MARF1: variants seen among roughly 807,000 people sequenced by gnomAD.
The protein encoded by MARF1 is meiosis regulator and mRNA stability factor 1.
In MARF1, 24 loss-of-function variants were observed where a neutral mutation model predicts 168.2. The observed-to-expected ratio is 0.14, with a 90% CI of 0.10 to 0.20. The LOEUF (loss-of-function observed/expected upper bound fraction) is 0.20, where lower values mean the gene tolerates loss of function less well. Among genes scored for constraint, MARF1 ranks in the 10% least tolerant of loss-of-function variants. The pLI is 1.00. For missense variants in MARF1, 1,744 were observed against 2,143.6 expected, an observed-to-expected ratio of 0.81 and a Z score of 3.68; for synonymous variants, 868 against 822.4, an observed-to-expected ratio of 1.06 and a Z score of -0.95.
intron 26 of MARF1, 146 bp downstream of exon 26, chr16:15,598,708 G>A: frequency 1.2e-6 from 1 of 831,968 alleles, no homozygotes; most frequent in Non-Finnish European, 1.9e-6. Context: ...CCCAGGTGGG[G>A]AAAGAAGGTC....
intron 13 of MARF1, among the ~76,000 whole-genome samples, chr16:15,618,962 T>C (rs1381272216): frequency 6.6e-6 from 1 of 152,240 alleles, no homozygotes; most frequent in East Asian, 1.9e-4. Context: ...CTCTCCCTTT[T>C]ACCTTGCTTG....
chr16:15,600,740 G>A, intron 23 of MARF1, 39 bp from the exon 24 acceptor site: 1 of 1,605,724 alleles, frequency 6.2e-7, no homozygotes, highest in Non-Finnish European at 8.5e-7. Context: ...CAGCGGAAAA[G>A]GAGGGGACAG....
Position 15,596,668 on chromosome 16 carries a change from CCTAATT to C in MARF1, c.*19_*24del. 6.4e-7 allele frequency: 1 copy of C among 1,551,836 alleles called. No homozygotes were observed. Among genetic ancestry groups the C allele is most frequent in the East Asian group, 2.3e-5 (1 of 43,852 alleles). Reference sequence around the variant, plus strand: ...GCAGAATCAGACAGTGTTTTCCCATCCTAATTCTATATTCCAAATGGGAGTTAAAGC... The same window carrying C: ...GCAGAATCAGACAGTGTTTTCCCATCCTATATTCCAAATGGGAGTTAAAGC... On this transcript the variant is annotated 3_prime_UTR_variant, in exon 27 of 27. Coordinates refer to ENST00000396368, the MANE Select transcript of MARF1 (RefSeq NM_014647.4).
chr16:15,634,259 G>T (rs1284593413), intron 4 of MARF1, among the ~76,000 whole-genome samples: 1 of 152,112 alleles, frequency 6.6e-6, no homozygotes, highest in African/African-American at 2.4e-5. Flanking sequence ...GCTGACAAAG[G>T]GTGAAGCTGT....
At chr16:15,638,999 T>G in intron 2 of MARF1, 91 bp downstream of exon 2, 3 of 1,328,392 alleles carry the variant, frequency 2.3e-6, no homozygotes, top group Non-Finnish European at 3.1e-6. Context: ...GCACAGACTC[T>G]AGGATGAGAG....
intron 23 of MARF1, 184 bp from the exon 24 acceptor site, chr16:15,600,885 T>A (rs1342016051): frequency 6.9e-6 from 5 of 720,346 alleles, no homozygotes; most frequent in Non-Finnish European, 1.3e-5. Context: ...GACAGAAACA[T>A]ACCCCTATAA....
In MARF1 at chr16:15,639,607, G is replaced by A. The variant is rs149377301; in HGVS notation, c.-58-316C>T. On this transcript the variant is annotated intron_variant, in intron 1 of 26. Coordinates refer to ENST00000396368, the MANE Select transcript of MARF1 (RefSeq NM_014647.4). Reference sequence around the variant, plus strand: ...GTAGAGATGGGGTTTCACCAAGTTGGCCAGGCTGGTCTTGAACTCCTGACC... The same window carrying A: ...GTAGAGATGGGGTTTCACCAAGTTGACCAGGCTGGTCTTGAACTCCTGACC... Among the ~76,000 whole-genome samples the A allele has an allele frequency of 6.5e-3, 985 of 152,188 alleles. 15 individuals carry two copies. The highest frequency in any genetic ancestry group is 0.023 in the African/African-American group (947 of 41,500).
intron 10 of MARF1, among the ~76,000 whole-genome samples, chr16:15,624,156 T>C (rs896994039): frequency 6.6e-6 from 1 of 151,766 alleles, no homozygotes; most frequent in Non-Finnish European, 1.5e-5. Flanking sequence ...CCTAACCTCA[T>C]GATCCTCCCG....
rs575183873 is a variant in MARF1 at position 15,603,055 on chromosome 16, C to T, written c.4414-852G>A. ...CCAATCTTAGCTGGACAGGGAAAGTCCTTTGTCCTGAAATATGCATTAACA... is the reference window on the plus strand; with the variant it reads ...CCAATCTTAGCTGGACAGGGAAAGTTCTTTGTCCTGAAATATGCATTAACA... On this transcript the variant is annotated intron_variant, in intron 22 of 26. Transcript: ENST00000396368. 6.6e-5 allele frequency among the ~76,000 whole-genome samples: 10 copies of T among 152,310 alleles called. No homozygotes were observed. The East Asian group carries it at 1.5e-3, about 23-fold the overall frequency.
rs913630228 is a variant in MARF1, at chr16:15,596,625, T to G, written c.*68A>C. 1.2e-5 allele frequency: 18 copies of G among 1,451,622 alleles called. No individual in the cohort carries two copies. The highest frequency in any genetic ancestry group is 1.6e-5 in the Non-Finnish European group (17 of 1,091,266). 89.9% of individuals were successfully genotyped at this position (1,451,622 alleles called of 1,614,324 possible). The stretch of plus-strand genomic sequence containing the variant: ...CATGACACAGAAAAGGATGTATTTT[T>G]GAAACCCACTTTTGTGTGCAGAATC... On this transcript the variant is annotated 3_prime_UTR_variant, in exon 27 of 27. Coordinates refer to ENST00000396368, the MANE Select transcript of MARF1 (RefSeq NM_014647.4).
Position 15,633,836 on chromosome 16 carries a change from T to C in MARF1, c.1014A>G (p.Pro338=), listed in dbSNP as rs2035408607. Residue 338 remains proline (P), a synonymous_variant, in exon 5 of 27, where the codon CCA becomes CCG. Coordinates refer to ENST00000396368, the MANE Select transcript of MARF1 (RefSeq NM_014647.4). ...LGKAASKFGS[P]EVAVAGQVLE... ...GCACCTGTCCAGCTACTGCAACTTC[T>C]GGTGACCCTTAAGAAATGTTAACAT... 1 of 1,609,742 alleles carries C rather than the reference T, an allele frequency of 6.2e-7. No homozygotes were observed. The highest frequency in any genetic ancestry group is 8.5e-7 in the Non-Finnish European group (1 of 1,177,788).
intron 4 of MARF1, among the ~76,000 whole-genome samples, chr16:15,634,135 T>C (rs2035430225): frequency 6.6e-6 from 1 of 152,140 alleles, no homozygotes; most frequent in Non-Finnish European, 1.5e-5. Flanking sequence ...CATTAAGCAG[T>C]GATGCTTCTC....
intron 2 of MARF1, among the ~76,000 whole-genome samples, chr16:15,638,177 CAAATA>C (rs926360036): frequency 1.3e-5 from 2 of 151,816 alleles, no homozygotes; most frequent in African/African-American, 2.4e-5. Flanking sequence ...AAAATAAAAT[CAAATA>C]AAAGTTGTTA....
chr16:15,613,893 T>C (rs2033809416), intron 16 of MARF1, among the ~76,000 whole-genome samples: 1 of 151,830 alleles, frequency 6.6e-6, no homozygotes, highest in Non-Finnish European at 1.5e-5. Flanking sequence ...TTTTTTCCTG[T>C]AGGGTAAGGG....
At chr16:15,600,365 G>A (rs572538952) in intron 25 of MARF1, 63 bp downstream of exon 25, 26 of 1,605,002 alleles carry the variant, frequency 1.6e-5, no homozygotes, top group African/African-American at 5.4e-5. Flanking sequence ...CGCTCTCCCC[G>A]ACCCCAAAGC....
In MARF1 at chr16:15,625,492, T is replaced by G; in HGVS notation, c.1833A>C (p.Pro611=). Residue 611 remains proline (P), a synonymous_variant, in exon 8 of 27, where the codon CCA becomes CCC. Transcript: ENST00000396368. Reference sequence around the variant, plus strand: ...TTGCATCTTTGATGAGGCACAATTTTGGATTCTTAAGTTTTTTGGGAGACT... The same window carrying G: ...TTGCATCTTTGATGAGGCACAATTTGGGATTCTTAAGTTTTTTGGGAGACT... ...KVKSPKKLKN[P]KLCLIKDASE... 1 of 1,614,250 alleles carries G rather than the reference T, an allele frequency of 6.2e-7. No individual in the cohort carries two copies. The highest frequency in any genetic ancestry group is 1.3e-5 in the African/African-American group (1 of 75,076).
intron 22 of MARF1, chr16:15,602,440 C>T (rs983386879): frequency 8.6e-6 from 5 of 580,152 alleles, no homozygotes; most frequent in African/African-American, 7.6e-5. Context: ...GACGACGAGA[C>T]AAAAACGAAG....
chr16:15,626,895 CGGA>C (rs2034883767), intron 7 of MARF1, among the ~76,000 whole-genome samples: 1 of 139,734 alleles, frequency 7.2e-6, no homozygotes. Flanking sequence ...ACCCAGGAGG[CGGA>C]GGTTGCAGTG....
At chr16:15,612,858 G>T in intron 16 of MARF1, 81 bp from the exon 17 acceptor site, 2 of 1,193,014 alleles carry the variant, frequency 1.7e-6, no homozygotes, top group Non-Finnish European at 2.5e-6. Context: ...TGCAGTCCCT[G>T]GCTTGAGTTC....
Sources: allele counts gnomAD v4.1 joint callset (sites outside exome capture counted in the v4.1 genomes callset), GRCh38; gene constraint gnomAD v4.1.1; transcripts MANE v1.5; gene names NCBI Gene and HGNC (gene_info 2026-07-23, HGNC 2026-07-21).